URI1: variants seen among roughly 807,000 people sequenced by gnomAD.
The protein encoded by URI1 is URI1 prefoldin like chaperone.
In URI1, 39 loss-of-function variants were observed where a neutral mutation model predicts 60.2. That is an observed-to-expected ratio of 0.65 (90% CI 0.50 to 0.85). The LOEUF (loss-of-function observed/expected upper bound fraction) is 0.85, where lower values mean the gene tolerates loss of function less well. URI1 is among the 40% of genes least tolerant of loss of function. The pLI, the probability that URI1 is intolerant of heterozygous loss-of-function variation, is 0.00. For missense variants in URI1, 691 were observed against 665.9 expected (o/e 1.04, Z -0.42); for synonymous variants, 251 against 236.8 (o/e 1.06, Z -0.55).
chr19:30,013,183 G>A (rs1430915499), intron 10 of URI1, among the ~76,000 whole-genome samples: 1 of 152,130 alleles, frequency 6.6e-6, no homozygotes, highest in African/African-American at 2.4e-5. Flanking sequence ...CTTGTGTTTT[G>A]GTGCGTATTT....
Position 29,986,318 on chromosome 19 carries a change from C to G in URI1, c.268C>G (p.Leu90Val). 1.9e-6 allele frequency: 3 copies of G among 1,606,116 alleles called. No individual in the cohort carries two copies. Among genetic ancestry groups the G allele is most frequent in the Non-Finnish European group, 2.5e-6 (3 of 1,178,426 alleles). Reference protein sequence around the residue: ...FGPFAFMPGKLVHTNEVTVLL... With the variant: ...FGPFAFMPGKVVHTNEVTVLL... ...CCCTTTTGCCTTCATGCCAGGAAAA[C>G]TTGTCCATACTAATGAAGTCACTGT... Residue 90 changes from leucine to valine, a missense_variant, in exon 4 of 11, where the codon CTT becomes GTT. Coordinates refer to ENST00000392271, the MANE Select transcript of URI1 (RefSeq NM_003796.3).
Position 30,012,396 on chromosome 19 carries a change from A to G in URI1, c.1290A>G (p.Glu430=), listed in dbSNP as rs1272600940. 6.2e-7 allele frequency: 1 copy of G among 1,614,068 alleles called. No individual in the cohort carries two copies. Among genetic ancestry groups the G allele is most frequent in the East Asian group, 2.2e-5 (1 of 44,888 alleles). ...CSDTSESSAA[E]FDDRRGVLRS... is the part of the protein sequence containing the mutation. Reference sequence around the variant, plus strand: ...ACACTAGTGAAAGCAGTGCTGCTGAATTTGATGATAGGCGGGGAGTTTTGA... The same window carrying G: ...ACACTAGTGAAAGCAGTGCTGCTGAGTTTGATGATAGGCGGGGAGTTTTGA... The change falls in exon 10 of 11, where the codon GAA becomes GAG. Residue 430 remains glutamate (E), a synonymous_variant. Coordinates refer to ENST00000392271, the MANE Select transcript of URI1 (RefSeq NM_003796.3).
intron 2 of URI1, among the ~76,000 whole-genome samples, chr19:29,982,879 A>G (rs2055615990): frequency 6.6e-6 from 1 of 152,194 alleles, no homozygotes; most frequent in African/African-American, 2.4e-5. Context: ...TAGACCTTTT[A>G]TATTTAATTC....
chr19:29,944,687 A>T (rs765961284), intron 1 of URI1, among the ~76,000 whole-genome samples: 1 of 152,172 alleles, frequency 6.6e-6, no homozygotes, highest in Non-Finnish European at 1.5e-5. Flanking sequence ...TGTTAATGTT[A>T]ATTCGGCACA....
chr19:29,960,215 G>A (rs1008665900), intron 1 of URI1, among the ~76,000 whole-genome samples: 2 of 151,708 alleles, frequency 1.3e-5, no homozygotes, highest in African/African-American at 4.8e-5. Flanking sequence ...CTTTTTCTTG[G>A]TAAATTTTTC....
intron 2 of URI1, among the ~76,000 whole-genome samples, chr19:29,979,079 T>C (rs761613656): frequency 6.6e-5 from 10 of 152,168 alleles, no homozygotes; most frequent in Non-Finnish European, 5.9e-5. Context: ...AAATTACTTT[T>C]TTCTAAAATA....
At chr19:29,996,819 G>A (rs1212815431) in intron 4 of URI1, among the ~76,000 whole-genome samples, 2 of 151,776 alleles carry the variant, frequency 1.3e-5, no homozygotes, top group African/African-American at 2.4e-5. Flanking sequence ...AATCATGAAA[G>A]GTTGTTGGAT....
upstream of URI1, among the ~76,000 whole-genome samples, chr19:29,939,665 T>C (rs2055004678): frequency 6.6e-6 from 1 of 152,170 alleles, no homozygotes; most frequent in South Asian, 2.1e-4. Flanking sequence ...GGAGGGGCTT[T>C]TGTGGACAGG....
In URI1 at chr19:29,968,572, T is replaced by C. The variant is rs1012412558; in HGVS notation, c.118-2621T>C. Among the ~76,000 whole-genome samples the C allele has an allele frequency of 4.3e-3, 566 of 131,220 alleles. 2 individuals carry two copies. Among genetic ancestry groups the C allele is most frequent in the African/African-American group, 0.015 (512 of 35,252 alleles). The allele number at this position is 131,220 out of a possible 152,430, so 86.1% of individuals were successfully genotyped here. On this transcript the variant is annotated intron_variant, in intron 1 of 10. Coordinates refer to ENST00000392271, the MANE Select transcript of URI1 (RefSeq NM_003796.3). ...GAAATTTACTAATTTTTTCTTTTTTTTTTTTTTTTTTTTTTTTGAGATGGA... is the reference window on the plus strand; with the variant it reads ...GAAATTTACTAATTTTTTCTTTTTTCTTTTTTTTTTTTTTTTTGAGATGGA...
chr19:30,005,426 A>G lies in URI1; in HGVS notation c.433A>G (p.Thr145Ala). ...MKNFESRVEF[T>A]EDLQKMSDAA... ...AAATTTTGAATCCAGAGTTGAATTC[A>G]CAGAAGATTTGCAGAAAATGAGCGA... Residue 145 changes from threonine to alanine, a missense_variant, in exon 5 of 11, where the codon ACA becomes GCA. By Grantham distance (58) the Thr-to-Ala change is moderately conservative. Transcript: ENST00000392271. The G allele has an allele frequency of 2.5e-6, 4 of 1,602,052 alleles. No individual in the cohort carries two copies. Among genetic ancestry groups the G allele is most frequent in the Non-Finnish European group, 3.4e-6 (4 of 1,176,014 alleles).
At chr19:29,980,950 A>G (rs920244292) in intron 2 of URI1, among the ~76,000 whole-genome samples, 17 of 149,372 alleles carry the variant, frequency 1.1e-4, no homozygotes, top group South Asian at 2.1e-4. Flanking sequence ...AAAAAGTTCA[A>G]TGTTAGTATT....
intron 1 of URI1, chr19:29,926,028 T>C (rs1487686106): frequency 2.0e-5 from 3 of 152,260 alleles, no homozygotes; most frequent in Admixed American, 2.0e-4. Context: ...CAAAAGGACC[T>C]TGGAGGGCTC....
At chr19:29,993,707 C>A (rs1028591360) in intron 4 of URI1, among the ~76,000 whole-genome samples, 3 of 151,868 alleles carry the variant, frequency 2.0e-5, no homozygotes, top group Non-Finnish European at 4.4e-5. Flanking sequence ...GGACATGATA[C>A]AAAATCTAAA....
Position 29,986,268 on chromosome 19 carries a change from T to C in URI1, c.232-14T>C. The stretch of plus-strand genomic sequence containing the variant: ...TTATGTTTTTTCCCTTTTTTCTTTT[T>C]TTTTAAACAATAGGTACCATTTGGC... On this transcript the variant is annotated splice_polypyrimidine_tract_variant and intron_variant, in intron 3 of 10. Transcript: ENST00000392271. 1 of 1,539,758 alleles carries C rather than the reference T, an allele frequency of 6.5e-7. No homozygotes were observed. The highest frequency in any genetic ancestry group is 2.4e-5 in the East Asian group (1 of 41,744).
At chr19:30,009,450 GT>G in intron 8 of URI1, 97 bp downstream of exon 8, 1 of 1,164,606 alleles carries the variant, frequency 8.6e-7, no homozygotes, top group Non-Finnish European at 1.2e-6. Context: ...CATTATCATT[GT>G]GGATAGTGCC....
chr19:29,971,331 A>G (rs2055457355), intron 2 of URI1, 104 bp downstream of exon 2: 1 of 1,138,126 alleles, frequency 8.8e-7, no homozygotes, highest in Non-Finnish European at 1.3e-6. Context: ...ATGTATGACT[A>G]GTAATTGAAT....
chr19:29,955,013 TA>T lies in URI1; in HGVS notation c.117+12350del, dbSNP rs1330425577. Among the ~76,000 whole-genome samples, 497 of 152,172 alleles carry T rather than the reference TA, an allele frequency of 3.3e-3. 3 individuals carry two copies. Among genetic ancestry groups the T allele is most frequent in the African/African-American group, 0.012 (480 of 41,472 alleles). ...GAGATATTCCTCATCATTTTTTTTT[TA>T]TTTTTTTGGAGATGGAGTCTCGCTC... On this transcript the variant is annotated intron_variant, in intron 1 of 10. Coordinates refer to ENST00000392271, the MANE Select transcript of URI1 (RefSeq NM_003796.3).
At position 29,942,646 on chromosome 19, in the gene URI1, G is replaced by A; in HGVS notation, c.99G>A (p.Leu33=). 4 of 1,450,362 alleles carry A rather than the reference G, an allele frequency of 2.8e-6. No homozygotes were observed. The highest frequency in any genetic ancestry group is 2.4e-5 in the Admixed American group (1 of 41,078). The allele number at this position is 1,450,362 out of a possible 1,614,324, so 89.8% of individuals were successfully genotyped here. A position where few individuals can be genotyped will look rare whatever the true frequency, so the allele number is the denominator to read the frequency against. ...VPLRAPDVAR[L]REEQEKVVTN... The stretch of plus-strand genomic sequence containing the variant: ...TGCGCGCCCCGGATGTGGCGCGGCT[G>A]CGCGAGGAGCAGGAAAAGGTAACTA... The change falls in exon 1 of 11, where the codon CTG becomes CTA. Residue 33 remains leucine (L), a synonymous_variant. Coordinates refer to ENST00000392271, the MANE Select transcript of URI1 (RefSeq NM_003796.3).
chr19:30,008,935 T>A, intron 7 of URI1, 70 bp from the exon 8 acceptor site: 1 of 1,254,116 alleles, frequency 8.0e-7, no homozygotes, highest in Non-Finnish European at 1.1e-6. Context: ...CCATGGAAAC[T>A]AACTGGAAAT....
Sources: allele counts gnomAD v4.1 joint callset (sites outside exome capture counted in the v4.1 genomes callset), GRCh38; gene constraint gnomAD v4.1.1; transcripts MANE v1.5; gene names NCBI Gene and HGNC (gene_info 2026-07-23, HGNC 2026-07-21).